Variants in ZNF207 observed in about 807,000 individuals in gnomAD.
ZNF207 encodes the protein zinc finger protein 207, also known as BUB3-interacting and GLEBS motif-containing protein ZNF207.
ZNF207 carries 24 observed loss-of-function variants against 60.2 expected under a neutral mutation model. That is an observed-to-expected ratio of 0.40 (90% CI 0.29 to 0.56). ZNF207 has a LOEUF of 0.56. Ranked by LOEUF, ZNF207 falls within the 20% of genes least tolerant of loss-of-function variation. The probability of loss-of-function intolerance (pLI) is 0.49; values close to 1 mark genes in which losing one functional copy is unlikely to be tolerated. For missense variants in ZNF207, 452 were observed against 636.6 expected, an observed-to-expected ratio of 0.71 and a Z score of 3.12; for synonymous variants, 236 against 194.7, an observed-to-expected ratio of 1.21 and a Z score of -1.77.
At chr17:32,365,697 G>T in intron 8 of ZNF207, 3 of 229,204 alleles carry the variant, frequency 1.3e-5, no homozygotes, top group Admixed American at 5.9e-5. Flanking sequence ...GCCAAAGTTA[G>T]TATGTTACTT....
rs1333486550 is a variant in ZNF207 at position 32,372,050 on chromosome 17, C to G, written c.*2291C>G. On this transcript the variant is annotated 3_prime_UTR_variant, in exon 12 of 12. Transcript: ENST00000394670. ...GCGCAGTGGCTCACGCCTGTAATCC[C>G]AGCACTTTGGGAGGCCCAGGCGGGT... The G allele has an allele frequency of 1.3e-5, 2 of 152,302 alleles. No individual in the cohort carries two copies. Among genetic ancestry groups the G allele is most frequent in the Non-Finnish European group, 2.9e-5 (2 of 68,144 alleles). 9.4% of individuals were successfully genotyped at this position (152,302 alleles called of 1,614,324 possible).
At position 32,369,733 on chromosome 17, in the gene ZNF207, G is replaced by A; in HGVS notation, c.1459G>A (p.Val487Ile). 1.3e-6 allele frequency: 2 copies of A among 1,562,646 alleles called. No homozygotes were observed. The highest frequency in any genetic ancestry group is 1.7e-6 in the Non-Finnish European group (2 of 1,157,072). Reference sequence around the variant, plus strand: ...ACCTCCGATGGGAATGAGACCTCCTGTAATGTCGCAAGGTGGCCGTTACTG... The same window carrying A: ...ACCTCCGATGGGAATGAGACCTCCTATAATGTCGCAAGGTGGCCGTTACTG... ...PRPPMGMRPPVMSQGGRY is the reference protein window; with the variant it reads ...PRPPMGMRPPIMSQGGRY The change falls in exon 12 of 12, where the codon GTA becomes ATA. Residue 487 changes from valine to isoleucine, a missense_variant. Val to Ile is a conservative substitution (Grantham distance 29, BLOSUM62 3). Transcript: ENST00000394670.
chr17:32,375,516 T>G lies in ZNF207; in HGVS notation c.*5757T>G, dbSNP rs1448386647. Reference sequence around the variant, plus strand: ...TATAGATAACTAAGATAGTTCCTTTTTTTTTGTAGTTCTGTGACTCAGACA... The same window carrying G: ...TATAGATAACTAAGATAGTTCCTTTGTTTTTGTAGTTCTGTGACTCAGACA... On this transcript the variant is annotated 3_prime_UTR_variant, in exon 12 of 12. Transcript: ENST00000394670. 1 of 152,154 alleles carries G rather than the reference T, an allele frequency of 6.6e-6. No individual in the cohort carries two copies. Among genetic ancestry groups the G allele is most frequent in the African/African-American group, 2.4e-5 (1 of 41,450 alleles). The allele number at this position is 152,154 out of a possible 1,614,324, so 9.4% of individuals were successfully genotyped here.
Position 32,369,592 on chromosome 17 carries a change from AT to A in ZNF207, c.1325-3del. 6.4e-7 allele frequency: 1 copy of A among 1,562,254 alleles called. No individual in the cohort carries two copies. Among genetic ancestry groups the A allele is most frequent in the Non-Finnish European group, 8.7e-7 (1 of 1,152,900 alleles). On this transcript the variant is annotated splice_polypyrimidine_tract_variant and splice_region_variant and intron_variant, in intron 11 of 11. Transcript: ENST00000394670. The stretch of plus-strand genomic sequence containing the variant: ...TATTTTTTTGTGTTTGAAATTCTTG[AT>A]TTTAGGTCAGTATGGTGGTCATCAT...
chr17:32,363,657 G>T (rs1356570336), intron 7 of ZNF207, among the ~76,000 whole-genome samples: 1 of 144,196 alleles, frequency 6.9e-6, no homozygotes, highest in Non-Finnish European at 1.5e-5. Flanking sequence ...TCAGCCTCCC[G>T]AGTAGCTGGG....
rs2041506837 is a variant in ZNF207, at chr17:32,351,498, A to G, written c.42-288A>G. On this transcript the variant is annotated intron_variant, in intron 1 of 11. Transcript: ENST00000394670. ...TGTAAATGTTGAAATATTTATAACA[A>G]AAGTTTCACCGACATCTCTGTTAAA... 17 of 1,489,220 alleles carry G rather than the reference A, an allele frequency of 1.1e-5. No individual in the cohort carries two copies. In the South Asian group the frequency reaches 1.2e-4, roughly 10 times the overall value. The allele number at this position is 1,489,220 out of a possible 1,614,324, so 92.3% of individuals were successfully genotyped here.
At position 32,373,443 on chromosome 17, in the gene ZNF207, T is replaced by C; in HGVS notation, c.*3684T>C. 1 of 659,394 alleles carries C rather than the reference T, an allele frequency of 1.5e-6. No homozygotes were observed. The highest frequency in any genetic ancestry group is 2.8e-6 in the Non-Finnish European group (1 of 362,412). The allele number at this position is 659,394 out of a possible 1,614,324, so 40.8% of individuals were successfully genotyped here. ...GAGGCTGAGTCTCAGTGTTGCCCTG[T>C]TCAGTCTGAGGCAAGTGGGATTTAT... is the stretch of plus-strand genomic sequence containing the variant. On this transcript the variant is annotated 3_prime_UTR_variant, in exon 12 of 12. Transcript: ENST00000394670.
chr17:32,376,901 CTGTGTT>C lies in ZNF207; in HGVS notation c.*7146_*7151del, dbSNP rs1905695204. The C allele has an allele frequency of 6.6e-6, 1 of 151,958 alleles. No homozygotes were observed. Among genetic ancestry groups the C allele is most frequent in the Non-Finnish European group, 1.5e-5 (1 of 67,884 alleles). The allele number at this position is 151,958 out of a possible 1,614,324, so 9.4% of individuals were successfully genotyped here. A position where few individuals can be genotyped will look rare whatever the true frequency, so the allele number is the denominator to read the frequency against. On this transcript the variant is annotated 3_prime_UTR_variant, in exon 12 of 12. Transcript: ENST00000394670. ...TCTGGCACAGCTTCAGTAATGTGTG[CTGTGTT>C]TGTAAAAAGGTGAAGTACTTTATTG...
intron 9 of ZNF207, 89 bp from the exon 10 acceptor site, chr17:32,367,683 A>G: frequency 6.6e-7 from 1 of 1,508,258 alleles, no homozygotes; most frequent in Non-Finnish European, 9.0e-7. Context: ...CCTTTATTTA[A>G]TGTTGATGCC....
rs1905827917 is a variant in ZNF207 at position 32,380,200 on chromosome 17, A to G, written c.*10441A>G. ...AATAAACAGTGAAAATTTGGTAAGT[A>G]TTTAACTTGAAGTGCATGTAATAGT... On this transcript the variant is annotated 3_prime_UTR_variant, in exon 12 of 12. Transcript: ENST00000394670. 1 of 152,662 alleles carries G rather than the reference A, an allele frequency of 6.6e-6. No individual in the cohort carries two copies. The allele number at this position is 152,662 out of a possible 1,614,324, so 9.5% of individuals were successfully genotyped here. A position where few individuals can be genotyped will look rare whatever the true frequency, so the allele number is the denominator to read the frequency against.
At position 32,369,654 on chromosome 17, in the gene ZNF207, C is replaced by T. The variant is rs777208112; in HGVS notation, c.1380C>T (p.Pro460=). Residue 460 remains proline, a synonymous_variant, in exon 12 of 12, where the codon CCC becomes CCT. Transcript: ENST00000394670. The part of the protein sequence containing the change: ...GMPGYLPGAM[P]PYGQGPPMVP... ...CAGGATACCTTCCTGGTGCTATGCC[C>T]CCGTATGGGCAGGGACCGCCAATGG... The T allele has an allele frequency of 6.3e-7, 1 of 1,593,212 alleles. No homozygotes were observed. The highest frequency in any genetic ancestry group is 1.1e-5 in the South Asian group (1 of 87,700).
chr17:32,350,387 C>T lies in ZNF207; in HGVS notation c.41+61C>T, dbSNP rs1473643193. 18 of 1,605,320 alleles carry T rather than the reference C, an allele frequency of 1.1e-5. No individual in the cohort carries two copies. In the East Asian group the frequency reaches 1.3e-4, roughly 12 times the overall value. On this transcript the variant is annotated intron_variant, in intron 1 of 11. Transcript: ENST00000394670. ...GGGTGCCGGTTGTTGGGGCCTGGGA[C>T]TAGGAGGCCTGGATTTGGCTTACGG...
intron 9 of ZNF207, among the ~76,000 whole-genome samples, chr17:32,367,106 T>A (rs1322305857): frequency 1.3e-5 from 2 of 151,538 alleles, no homozygotes; most frequent in Non-Finnish European, 1.5e-5. Flanking sequence ...GTTGGCCTAG[T>A]CTACATGTTT....
At chr17:32,350,393 G>C in intron 1 of ZNF207, 67 bp downstream of exon 1, 2 of 1,605,624 alleles carry the variant, frequency 1.2e-6, no homozygotes, top group Non-Finnish European at 1.7e-6. Flanking sequence ...GGGACTAGGA[G>C]GCCTGGATTT....
In ZNF207 at chr17:32,378,742, T is replaced by C. The variant is rs986785752; in HGVS notation, c.*8983T>C. 1 of 152,076 alleles carries C rather than the reference T, an allele frequency of 6.6e-6. No homozygotes were observed. The highest frequency in any genetic ancestry group is 2.4e-5 in the African/African-American group (1 of 41,454). The allele number at this position is 152,076 out of a possible 1,614,324, so 9.4% of individuals were successfully genotyped here. A position where few individuals can be genotyped will look rare whatever the true frequency, so the allele number is the denominator to read the frequency against. ...GAGTTCATTGTTGTTTGAACCATCC[T>C]CTAAAGATTTCCTTTAACCTCTAAA... On this transcript the variant is annotated 3_prime_UTR_variant, in exon 12 of 12. Coordinates refer to ENST00000394670, the MANE Select transcript of ZNF207 (RefSeq NM_001098507.2).
chr17:32,364,236 C>T lies in ZNF207; in HGVS notation c.671-1094C>T, dbSNP rs115009234. 7.2e-3 allele frequency among the ~76,000 whole-genome samples: 1,095 copies of T among 152,052 alleles called. 11 individuals are homozygous for T. The highest frequency in any genetic ancestry group is 0.023 in the African/African-American group (965 of 41,474). On this transcript the variant is annotated intron_variant, in intron 7 of 11. Transcript: ENST00000394670. ...GCTCTTTAGCTCCTTACGTATTATG[C>T]TGTGAGGGAACCTGGGAAATTAAGT...
intron 2 of ZNF207, among the ~76,000 whole-genome samples, chr17:32,357,353 T>TTTTTTA (rs1555605241): frequency 2.3e-5 from 2 of 88,188 alleles, no homozygotes; most frequent in East Asian, 2.1e-4. Flanking sequence ...TTATTATTAT[T>TTTTTTA]TTTTTTTTTT....
chr17:32,373,101 G>A lies in ZNF207; in HGVS notation c.*3342G>A. The A allele has an allele frequency of 3.9e-6, 1 of 259,070 alleles. No individual in the cohort carries two copies. The highest frequency in any genetic ancestry group is 6.9e-5 in the East Asian group (1 of 14,582). 16.0% of individuals were successfully genotyped at this position (259,070 alleles called of 1,614,324 possible). On this transcript the variant is annotated 3_prime_UTR_variant, in exon 12 of 12. Transcript: ENST00000394670. Reference sequence around the variant, plus strand: ...GATTTGAATACTTAGTATTTTAGTAGTGTCTCACACATTTGCCATTAGGTA... The same window carrying A: ...GATTTGAATACTTAGTATTTTAGTAATGTCTCACACATTTGCCATTAGGTA...
rs1421314119 is a variant in ZNF207 at position 32,380,296 on chromosome 17, C to A, written c.*10537C>A. 1 of 152,570 alleles carries A rather than the reference C, an allele frequency of 6.6e-6. No homozygotes were observed. The highest frequency in any genetic ancestry group is 6.5e-5 in the Admixed American group (1 of 15,274). 9.5% of individuals were successfully genotyped at this position (152,570 alleles called of 1,614,324 possible). On this transcript the variant is annotated 3_prime_UTR_variant, in exon 12 of 12. Transcript: ENST00000394670. ...AAAGTGAGCAATAATTATTGCATCT[C>A]TTTTGCGACTTCATGTAGATGTGAT...
Sources: gnomAD v4.1 joint callset for allele counts (sites outside exome capture counted in the v4.1 genomes callset) on GRCh38, gnomAD v4.1.1 for gene constraint, MANE v1.5 for transcripts, NCBI Gene and HGNC (gene_info 2026-07-23, HGNC 2026-07-21) for gene names.